Variants in C22orf31 observed in about 807,000 individuals in gnomAD.
The protein encoded by C22orf31 is uncharacterized protein C22orf31.
A neutral mutation model predicts 15.0 loss-of-function variants in C22orf31; 11 were observed. The observed-to-expected ratio is 0.73, with a 90% CI of 0.46 to 1.21. C22orf31 has a LOEUF of 1.21. Ranked by LOEUF, C22orf31 falls within the 50% of genes most tolerant of loss-of-function variation. C22orf31 has a pLI of 0.00. For synonymous variants in C22orf31, 132 were observed against 133.3 expected (o/e 0.99, Z 0.07); for missense variants, 340 against 347.2 (o/e 0.98, Z 0.17).
At chr22:29,064,594 G>A (rs1010114540), upstream of C22orf31, among the ~76,000 whole-genome samples, 2 of 149,464 alleles carry the variant, frequency 1.3e-5, no homozygotes, top group Non-Finnish European at 3.0e-5. Context: ...GCTCATGAGA[G>A]CCTCGACCTC....
Position 29,059,147 on chromosome 22 carries a change from G to A in C22orf31, c.468C>T (p.Val156=). 1 of 1,611,860 alleles carries A rather than the reference G, an allele frequency of 6.2e-7. No individual in the cohort carries two copies. Among genetic ancestry groups the A allele is most frequent in the East Asian group, 2.2e-5 (1 of 44,870 alleles). The change falls in exon 3 of 3, where the codon GTC becomes GTT. Residue 156 remains valine, a synonymous_variant. Coordinates refer to ENST00000216071, the MANE Select transcript of C22orf31 (RefSeq NM_015370.2). ...CATATCTGTCCTCAAGATCTTGGCG[G>A]ACTGTTAGTTTTTTCTCCTTTGAAC... The part of the protein sequence containing the change: ...KESSKEKKLT[V]RQDLEDRYAE...
upstream of C22orf31, among the ~76,000 whole-genome samples, chr22:29,066,539 C>CTTTTTTTTTTTTTTTT (rs134565): frequency 2.9e-3 from 206 of 70,228 alleles, 23 homozygotes; most frequent in Non-Finnish European, 4.2e-3. Flanking sequence ...CTTTTCTTTT[C>CTTTTTTTTTTTTTTTT]TTTTTTTTTT....
Position 29,060,697 on chromosome 22 carries a change from G to A in C22orf31, c.150C>T (p.Asn50=). 1 of 1,614,158 alleles carries A rather than the reference G, an allele frequency of 6.2e-7. No individual in the cohort carries two copies. The highest frequency in any genetic ancestry group is 8.5e-7 in the Non-Finnish European group (1 of 1,180,040). The change falls in exon 2 of 3, where the codon AAC becomes AAT. Residue 50 remains asparagine (N), a synonymous_variant. Coordinates refer to ENST00000216071, the MANE Select transcript of C22orf31 (RefSeq NM_015370.2). ...IWMARTCAKQ[N]INAPAPATTS... ...TGGTAGCTGGTGCTGGGGCATTAAT[G>A]TTCTGCTTTGCACATGTTCTGGCCA...
At chr22:29,062,904 C>T (rs760960090), upstream of C22orf31, among the ~76,000 whole-genome samples, 4 of 152,042 alleles carry the variant, frequency 2.6e-5, no homozygotes, top group East Asian at 1.9e-4. Context: ...GAAGAGTTTG[C>T]GAATGTCTGG....
At position 29,058,789 on chromosome 22, in the gene C22orf31, C is replaced by G. The variant is rs371011517; in HGVS notation, c.826G>C (p.Glu276Gln). ...FPGRKQPGVH[E>Q]EPVLKKWPKL... ...GGCCATTTCTTGAGTACAGGCTCCT[C>G]GTGGACACCTGGCTGCTTCCTGCCA... The change falls in exon 3 of 3, where the codon GAG becomes CAG. Residue 276 changes from glutamate (E) to glutamine (Q), a missense_variant. Glu to Gln is a conservative substitution (Grantham distance 29). Coordinates refer to ENST00000216071, the MANE Select transcript of C22orf31 (RefSeq NM_015370.2). 6.2e-7 allele frequency: 1 copy of G among 1,614,124 alleles called. No homozygotes were observed. The highest frequency in any genetic ancestry group is 1.1e-5 in the South Asian group (1 of 91,080).
rs1457662624 is a variant in C22orf31, at chr22:29,059,718, C to T, written c.433-536G>A. The T allele has an allele frequency of 3.0e-6, 3 of 985,180 alleles. No individual in the cohort carries two copies. The African/African-American group carries it at 5.2e-5, about 17-fold the overall frequency. 61.0% of individuals were successfully genotyped at this position (985,180 alleles called of 1,614,324 possible). A position where few individuals can be genotyped will look rare whatever the true frequency, so the allele number is the denominator to read the frequency against. ...ATCAGGCCTTCGTAGGCCAAGTTCTCCATGTGGACGCTCACAATCCAGATC... is the reference window on the plus strand; with the variant it reads ...ATCAGGCCTTCGTAGGCCAAGTTCTTCATGTGGACGCTCACAATCCAGATC... On this transcript the variant is annotated intron_variant, in intron 2 of 2. Coordinates refer to ENST00000216071, the MANE Select transcript of C22orf31 (RefSeq NM_015370.2).
chr22:29,063,323 G>A (rs953263132), upstream of C22orf31, among the ~76,000 whole-genome samples: 1 of 152,004 alleles, frequency 6.6e-6, no homozygotes, highest in Admixed American at 6.6e-5. Flanking sequence ...GGACCACCAA[G>A]CCCAGCTAAT....
intron 1 of C22orf31, among the ~76,000 whole-genome samples, chr22:29,061,095 C>T (rs747835378): frequency 8.5e-5 from 13 of 152,150 alleles, no homozygotes; most frequent in South Asian, 6.2e-4. Flanking sequence ...GGCAGGAAGT[C>T]GGGGGTCAGG....
intron 2 of C22orf31, 51 bp downstream of exon 2, chr22:29,060,364 T>G: frequency 6.7e-7 from 1 of 1,501,748 alleles, no homozygotes; most frequent in Non-Finnish European, 9.1e-7. Context: ...TGGCTTTACC[T>G]TTTCCCTCCC....
chr22:29,070,513 C>G, the C22orf31 span, among the ~76,000 whole-genome samples: 1 of 152,186 alleles, frequency 6.6e-6, no homozygotes, highest in Non-Finnish European at 1.5e-5. Flanking sequence ...CCTCTGAAAC[C>G]TGAATGAGAT....
the C22orf31 span, among the ~76,000 whole-genome samples, chr22:29,069,013 C>T: frequency 2.0e-5 from 3 of 151,972 alleles, no homozygotes; most frequent in South Asian, 4.2e-4. Context: ...CCTCTTGCCT[C>T]GGCCTCCCAA....
At chr22:29,061,096 G>T (rs2037386239) in intron 1 of C22orf31, among the ~76,000 whole-genome samples, 1 of 152,188 alleles carries the variant, frequency 6.6e-6, no homozygotes, top group South Asian at 2.1e-4. Flanking sequence ...GCAGGAAGTC[G>T]GGGGTCAGGG....
chr22:29,070,442 C>T, the C22orf31 span, among the ~76,000 whole-genome samples: 1 of 152,258 alleles, frequency 6.6e-6, no homozygotes, highest in African/African-American at 2.4e-5. Flanking sequence ...CAAGGCATGG[C>T]TGCCCAGACT....
chr22:29,060,030 T>A lies in C22orf31; in HGVS notation c.432+385A>T, dbSNP rs1277600626. The A allele has an allele frequency of 9.9e-6, 9 of 909,276 alleles. 1 individual carries two copies. The African/African-American group carries it at 1.1e-4, about 12-fold the overall frequency. The allele number at this position is 909,276 out of a possible 1,614,324, so 56.3% of individuals were successfully genotyped here. On this transcript the variant is annotated intron_variant, in intron 2 of 2. Coordinates refer to ENST00000216071, the MANE Select transcript of C22orf31 (RefSeq NM_015370.2). ...GATCTTTTTTTCTTTTCTTTTTTTT[T>A]TTTTTTTTTTTTTATTTTTTAGACA...
chr22:29,070,808 T>A, the C22orf31 span, among the ~76,000 whole-genome samples: 4 of 152,078 alleles, frequency 2.6e-5, no homozygotes, highest in South Asian at 4.2e-4. Context: ...TCAACATAAT[T>A]TTCTTGTCTT....
intron 1 of C22orf31, among the ~76,000 whole-genome samples, chr22:29,061,266 C>T (rs575257584): frequency 3.3e-5 from 5 of 152,226 alleles, no homozygotes; most frequent in African/African-American, 1.2e-4. Flanking sequence ...TTTACACTTT[C>T]TTTTTTTGTG....
In C22orf31 at chr22:29,060,904, A is replaced by G; in HGVS notation, c.4-61T>C. ...GGACCGTTCTTCAGCAGAGAATAAA[A>G]GGTCTACTTTGAAGGCAAAATATTA... is the stretch of plus-strand genomic sequence containing the variant. On this transcript the variant is annotated intron_variant, in intron 1 of 2. Transcript: ENST00000216071. 8 of 1,430,416 alleles carry G rather than the reference A, an allele frequency of 5.6e-6. 1 individual carries two copies. The Admixed American group carries it at 8.2e-5, about 15-fold the overall frequency. 88.6% of individuals were successfully genotyped at this position (1,430,416 alleles called of 1,614,324 possible).
intron 2 of C22orf31, chr22:29,060,029 T>C (rs2037368709): frequency 6.6e-6 from 6 of 908,048 alleles, no homozygotes; most frequent in African/African-American, 3.8e-5. Flanking sequence ...TTCTTTTTTT[T>C]TTTTTTTTTT....
upstream of C22orf31, among the ~76,000 whole-genome samples, chr22:29,065,690 G>A (rs1158579970): frequency 6.6e-6 from 1 of 152,240 alleles, no homozygotes; most frequent in Non-Finnish European, 1.5e-5. Context: ...CTTTAGCAGA[G>A]ATTGTCCCAT....
Sources: gnomAD v4.1 joint callset for allele counts (sites outside exome capture counted in the v4.1 genomes callset) on GRCh38, gnomAD v4.1.1 for gene constraint, MANE v1.5 for transcripts, NCBI Gene and HGNC (gene_info 2026-07-23, HGNC 2026-07-21) for gene names.